KCNK13: variants seen among roughly 807,000 people sequenced by gnomAD.
KCNK13 encodes potassium two pore domain channel subfamily K member 13.
KCNK13 carries 12 observed loss-of-function variants against 23.4 expected under a neutral mutation model. The observed-to-expected ratio is 0.51, with a 90% confidence interval of 0.33 to 0.83. The LOEUF (loss-of-function observed/expected upper bound fraction) is 0.83, where lower values mean the gene tolerates loss of function less well. Ranked by LOEUF, KCNK13 falls within the 40% of genes least tolerant of loss-of-function variation. KCNK13 has a pLI of 0.02. For synonymous variants in KCNK13, 231 were observed against 229.5 expected (o/e 1.01, Z -0.06); for missense variants, 463 against 556.3 (o/e 0.83, Z 1.69).
chr14:90,136,951 G>A (rs375929059), intron 1 of KCNK13, among the ~76,000 whole-genome samples: 6 of 152,182 alleles, frequency 3.9e-5, no homozygotes, highest in East Asian at 3.8e-4. Flanking sequence ...GACAGATAAT[G>A]AAAGAAATGA....
chr14:90,134,549 A>G (rs1002774620), intron 1 of KCNK13, among the ~76,000 whole-genome samples: 2 of 152,236 alleles, frequency 1.3e-5, no homozygotes, highest in Admixed American at 1.3e-4. Flanking sequence ...ACACACACAC[A>G]CACAAAGACT....
At chr14:90,101,154 A>T (rs1482913109) in intron 1 of KCNK13, among the ~76,000 whole-genome samples, 1 of 152,108 alleles carries the variant, frequency 6.6e-6, no homozygotes, top group East Asian at 1.9e-4. Flanking sequence ...AGTTGTTCTG[A>T]GGAGTAGACC....
chr14:90,103,907 A>G (rs1490127076), intron 1 of KCNK13, among the ~76,000 whole-genome samples: 1 of 152,100 alleles, frequency 6.6e-6, no homozygotes, highest in Non-Finnish European at 1.5e-5. Flanking sequence ...CTCCTGGACC[A>G]GAGAGATCTC....
intron 1 of KCNK13, among the ~76,000 whole-genome samples, chr14:90,134,231 G>C (rs1281965735): frequency 6.6e-6 from 1 of 152,192 alleles, no homozygotes; most frequent in Non-Finnish European, 1.5e-5. Context: ...TGTGTAGCCT[G>C]TGCAGTTGGT....
chr14:90,115,466 TC>T (rs1412670450), intron 1 of KCNK13, among the ~76,000 whole-genome samples: 1 of 152,098 alleles, frequency 6.6e-6, no homozygotes, highest in Non-Finnish European at 1.5e-5. Flanking sequence ...AGAGTTGGAG[TC>T]AGAAGGTTCC....
chr14:90,073,510 C>G (rs1294356015), intron 1 of KCNK13, among the ~76,000 whole-genome samples: 1 of 152,180 alleles, frequency 6.6e-6, no homozygotes, highest in East Asian at 1.9e-4. Flanking sequence ...TGGGTCTTCT[C>G]TCCTTTTAAG....
intron 1 of KCNK13, among the ~76,000 whole-genome samples, chr14:90,131,466 G>A (rs1488135769): frequency 6.6e-6 from 1 of 152,062 alleles, no homozygotes; most frequent in Non-Finnish European, 1.5e-5. Context: ...TCTTGACCTC[G>A]TGATCTGCCT....
At chr14:90,122,553 A>G (rs1320395273) in intron 1 of KCNK13, among the ~76,000 whole-genome samples, 2 of 152,074 alleles carry the variant, frequency 1.3e-5, no homozygotes, top group Non-Finnish European at 2.9e-5. Flanking sequence ...CATGTTGGCC[A>G]GGGTAGCCTC....
At chr14:90,124,725 C>T (rs1889776687) in intron 1 of KCNK13, among the ~76,000 whole-genome samples, 1 of 152,176 alleles carries the variant, frequency 6.6e-6, no homozygotes, top group African/African-American at 2.4e-5. Context: ...TTGCTGAGAC[C>T]CAGGTCAGAC....
At chr14:90,096,236 G>A (rs933159022) in intron 1 of KCNK13, among the ~76,000 whole-genome samples, 1 of 152,132 alleles carries the variant, frequency 6.6e-6, no homozygotes, top group Admixed American at 6.5e-5. Context: ...TCCCCTCCCT[G>A]GAGGTTGCGG....
chr14:90,172,916 G>T (rs1266753104), intron 1 of KCNK13, among the ~76,000 whole-genome samples: 1 of 152,198 alleles, frequency 6.6e-6, no homozygotes, highest in Admixed American at 6.5e-5. Flanking sequence ...CAAGCAGATT[G>T]TGTGAAACCC....
At chr14:90,128,957 C>G (rs943003877) in intron 1 of KCNK13, among the ~76,000 whole-genome samples, 5 of 152,172 alleles carry the variant, frequency 3.3e-5, no homozygotes, top group Admixed American at 1.3e-4. Flanking sequence ...TCTTCCTCCC[C>G]GCCCCCTAAG....
chr14:90,130,396 C>T lies in KCNK13; in HGVS notation c.335-53715C>T, dbSNP rs188903659. On this transcript the variant is annotated intron_variant, in intron 1 of 1. Coordinates refer to ENST00000282146, the MANE Select transcript of KCNK13 (RefSeq NM_022054.4). ...TGTATTTTTAGTAGAGATGGGGTTT[C>T]GCCATGTTGGCCAGGCTGGTCTTGA... Among the ~76,000 whole-genome samples the T allele has an allele frequency of 4.4e-3, 670 of 151,116 alleles. 5 individuals carry two copies. The highest frequency in any genetic ancestry group is 0.016 in the African/African-American group (641 of 41,298).
At chr14:90,072,937 G>A (rs1399341152) in intron 1 of KCNK13, among the ~76,000 whole-genome samples, 1 of 152,076 alleles carries the variant, frequency 6.6e-6, no homozygotes, top group African/African-American at 2.4e-5. Context: ...TGTACGTTTA[G>A]TTCTAACAAC....
chr14:90,065,398 G>C (rs763978681), intron 1 of KCNK13, among the ~76,000 whole-genome samples: 2 of 152,186 alleles, frequency 1.3e-5, no homozygotes, highest in Non-Finnish European at 2.9e-5. Context: ...TCTTAGTTTG[G>C]GTTCCCTTAG....
intron 1 of KCNK13, among the ~76,000 whole-genome samples, chr14:90,119,994 A>G (rs1421499065): frequency 6.6e-6 from 1 of 152,142 alleles, no homozygotes; most frequent in Non-Finnish European, 1.5e-5. Flanking sequence ...AGTTTTTTGT[A>G]CAAATTATTT....
chr14:90,112,045 C>T (rs894968482), intron 1 of KCNK13, among the ~76,000 whole-genome samples: 17 of 152,186 alleles, frequency 1.1e-4, no homozygotes, highest in African/African-American at 3.6e-4. Context: ...GGAGCTGGGA[C>T]GTCTTCTCTT....
intron 1 of KCNK13, among the ~76,000 whole-genome samples, chr14:90,084,243 A>G (rs941594709): frequency 7.2e-5 from 11 of 152,222 alleles, no homozygotes; most frequent in African/African-American, 2.4e-4. Context: ...GAATTTTGCC[A>G]TCTTAACAAT....
At chr14:90,087,152 ATATTT>A (rs1296808939) in intron 1 of KCNK13, among the ~76,000 whole-genome samples, 194 of 93,546 alleles carry the variant, frequency 2.1e-3, no homozygotes, top group African/African-American at 7.8e-3. Flanking sequence ...ATATATATAT[ATATTT>A]TTTTTTTTTA....
Sources: gnomAD v4.1 joint callset for allele counts (sites outside exome capture counted in the v4.1 genomes callset) on GRCh38, gnomAD v4.1.1 for gene constraint, MANE v1.5 for transcripts, NCBI Gene and HGNC (gene_info 2026-07-23, HGNC 2026-07-21) for gene names.